The following SYNDIG1 variants were observed in gnomAD, a reference collection of about 807,000 sequenced individuals.
SYNDIG1 encodes the protein synapse differentiation-inducing gene protein 1.
SYNDIG1 carries 9 observed loss-of-function variants against 19.4 expected under a neutral mutation model. That is an observed-to-expected ratio of 0.46 (90% CI 0.28 to 0.81). The LOEUF (loss-of-function observed/expected upper bound fraction) is 0.81. Ranked by LOEUF, SYNDIG1 falls within the 30% of genes least tolerant of loss-of-function variation. SYNDIG1 has a pLI of 0.12. For synonymous variants in SYNDIG1, 141 were observed against 145.9 expected (o/e 0.97, Z 0.24); for missense variants, 311 against 343.3 (o/e 0.91, Z 0.74).
At chr20:24,492,324 G>T (rs1215392484) in intron 1 of SYNDIG1, among the ~76,000 whole-genome samples, 1 of 152,236 alleles carries the variant, frequency 6.6e-6, no homozygotes, top group East Asian at 1.9e-4. Flanking sequence ...GCTAAGGGGT[G>T]GCTAGGAGAT....
At chr20:24,512,577 C>G (rs2056772255) in intron 1 of SYNDIG1, among the ~76,000 whole-genome samples, 1 of 152,098 alleles carries the variant, frequency 6.6e-6, no homozygotes, top group Non-Finnish European at 1.5e-5. Context: ...TGCAAGGCAG[C>G]AGCGAGGCTG....
intron 1 of SYNDIG1, among the ~76,000 whole-genome samples, chr20:24,519,528 A>T (rs776400701): frequency 6.6e-6 from 1 of 152,270 alleles, no homozygotes; most frequent in South Asian, 2.1e-4. Context: ...CCATGTTGTC[A>T]CTTCTGGGTT....
chr20:24,608,740 C>T (rs1028582944), intron 3 of SYNDIG1, among the ~76,000 whole-genome samples: 1 of 152,122 alleles, frequency 6.6e-6, no homozygotes, highest in Admixed American at 6.5e-5. Context: ...CCTCTCAGAC[C>T]GCCCGATGGC....
rs543071835 is a variant in SYNDIG1, at chr20:24,640,028, G to A, written c.619-25318G>A. 1.8e-4 allele frequency among the ~76,000 whole-genome samples: 27 copies of A among 152,132 alleles called. No individual in the cohort carries two copies. In the South Asian group the frequency reaches 5.4e-3, roughly 30 times the overall value. On this transcript the variant is annotated intron_variant, in intron 3 of 3. Coordinates refer to ENST00000376862, the MANE Select transcript of SYNDIG1 (RefSeq NM_024893.3). The stretch of plus-strand genomic sequence containing the variant: ...GTTTTGTGCTTAAATCTTTATTCTT[G>A]TTTCTTAAGAAATAAGCTCTTCTGG...
At chr20:24,498,995 A>T (rs1190117143) in intron 1 of SYNDIG1, among the ~76,000 whole-genome samples, 1 of 152,050 alleles carries the variant, frequency 6.6e-6, no homozygotes, top group African/African-American at 2.4e-5. Flanking sequence ...GTAGACTCTC[A>T]GTAGGCACTA....
chr20:24,627,583 C>A (rs920928906), intron 3 of SYNDIG1, among the ~76,000 whole-genome samples: 1 of 152,258 alleles, frequency 6.6e-6, no homozygotes, highest in Admixed American at 6.5e-5. Flanking sequence ...AGAAAACATT[C>A]TCCGTAGTGC....
chr20:24,472,058 A>G (rs1156727374), intron 1 of SYNDIG1, among the ~76,000 whole-genome samples: 1 of 152,240 alleles, frequency 6.6e-6, no homozygotes, highest in Non-Finnish European at 1.5e-5. Context: ...TCTCCAGCTG[A>G]TGACATTTCA....
intron 3 of SYNDIG1, among the ~76,000 whole-genome samples, chr20:24,617,911 T>G (rs1341126539): frequency 5.5e-5 from 2 of 36,252 alleles, no homozygotes; most frequent in African/African-American, 1.1e-4. Flanking sequence ...GGGGAAAGCC[T>G]GGAGAAGCGG....
intron 1 of SYNDIG1, among the ~76,000 whole-genome samples, chr20:24,520,769 A>G (rs1208121293): frequency 1.3e-5 from 2 of 151,954 alleles, no homozygotes; most frequent in Non-Finnish European, 2.9e-5. Context: ...GTTGGCTTGT[A>G]CACCAACATT....
At chr20:24,626,677 G>A (rs1460532858) in intron 3 of SYNDIG1, among the ~76,000 whole-genome samples, 6 of 152,248 alleles carry the variant, frequency 3.9e-5, no homozygotes, top group African/African-American at 1.4e-4. Context: ...ATGGGGTAGC[G>A]GCCGGGCAGA....
At chr20:24,577,815 A>G (rs1169556097) in intron 2 of SYNDIG1, among the ~76,000 whole-genome samples, 1 of 152,186 alleles carries the variant, frequency 6.6e-6, no homozygotes, top group East Asian at 1.9e-4. Context: ...CATGTAAATG[A>G]TGGTGAAGAT....
chr20:24,509,745 G>A (rs761200179), intron 1 of SYNDIG1, among the ~76,000 whole-genome samples: 121 of 152,202 alleles, frequency 7.9e-4, no homozygotes, highest in Admixed American at 3.5e-3. Context: ...AGGATAAAAT[G>A]TTCTCTCTCA....
intron 3 of SYNDIG1, among the ~76,000 whole-genome samples, chr20:24,608,905 TG>T (rs2058803951): frequency 6.6e-6 from 1 of 152,324 alleles, no homozygotes; most frequent in East Asian, 1.9e-4. Context: ...AGTACTGCTT[TG>T]TGTGGAGGAC....
rs528015956 is a variant in SYNDIG1 at position 24,549,734 on chromosome 20, G to A, written c.480+6157G>A. 3.3e-5 allele frequency among the ~76,000 whole-genome samples: 5 copies of A among 152,288 alleles called. No homozygotes were observed. The South Asian group carries it at 1.0e-3, about 32-fold the overall frequency. ...ATCCAGAGCTGTTGCCCAGCATCCT[G>A]GAAAAATCAGGTCACATACGGGCTT... On this transcript the variant is annotated intron_variant, in intron 2 of 3. Coordinates refer to ENST00000376862, the MANE Select transcript of SYNDIG1 (RefSeq NM_024893.3).
chr20:24,507,212 G>T (rs1216367923), intron 1 of SYNDIG1, among the ~76,000 whole-genome samples: 1 of 152,140 alleles, frequency 6.6e-6, no homozygotes, highest in Non-Finnish European at 1.5e-5. Context: ...ACTGCTCCTG[G>T]GCTCTGACCT....
chr20:24,624,725 A>G (rs2059095466), intron 3 of SYNDIG1, among the ~76,000 whole-genome samples: 1 of 152,248 alleles, frequency 6.6e-6, no homozygotes, highest in South Asian at 2.1e-4. Context: ...AGAACATTTC[A>G]TTCAACAACA....
At chr20:24,475,805 C>G (rs2055605692) in intron 1 of SYNDIG1, among the ~76,000 whole-genome samples, 1 of 152,080 alleles carries the variant, frequency 6.6e-6, no homozygotes. Flanking sequence ...TTCCATAGTG[C>G]CTTTGTGACA....
intron 1 of SYNDIG1, among the ~76,000 whole-genome samples, chr20:24,479,311 G>T (rs544091176): frequency 6.6e-6 from 1 of 152,048 alleles, no homozygotes. Flanking sequence ...CTTGGATTCC[G>T]CCTGCCAGGC....
rs112023789 is a variant in SYNDIG1, at chr20:24,645,821, T to C, written c.619-19525T>C. 5.4e-4 allele frequency among the ~76,000 whole-genome samples: 82 copies of C among 152,238 alleles called. 1 individual carries two copies. Among genetic ancestry groups the C allele is most frequent in the African/African-American group, 1.9e-3 (78 of 41,540 alleles). On this transcript the variant is annotated intron_variant, in intron 3 of 3. Transcript: ENST00000376862. ...AAATCATTTGATATCATCTCAACAGTCCTAGGAACCAAAATATTCAAATCT... is the reference window on the plus strand; with the variant it reads ...AAATCATTTGATATCATCTCAACAGCCCTAGGAACCAAAATATTCAAATCT...
Sources: allele counts gnomAD v4.1 joint callset (sites outside exome capture counted in the v4.1 genomes callset), GRCh38; gene constraint gnomAD v4.1.1; transcripts MANE v1.5; gene names NCBI Gene and HGNC (gene_info 2026-07-23, HGNC 2026-07-21).